Variants in PKMYT1 observed in about 807,000 individuals in gnomAD.
PKMYT1 encodes protein kinase, membrane associated tyrosine/threonine 1, also known as membrane-associated tyrosine- and threonine-specific cdc2-inhibitory kinase.
Under a neutral mutation model 49.7 loss-of-function variants are expected in PKMYT1, and 35 were observed. The observed-to-expected ratio is 0.70, with a 90% CI of 0.54 to 0.93. The LOEUF is 0.93. Among genes scored for constraint, PKMYT1 ranks in the 40% least tolerant of loss-of-function variants. PKMYT1 has a pLI of 0.00. For missense variants in PKMYT1, 677 were observed against 673.1 expected (o/e 1.01, Z -0.06); for synonymous variants, 331 against 287.6 (o/e 1.15, Z -1.53).
At chr16:2,975,214 G>A (rs768592694) in intron 4 of PKMYT1, 105 bp downstream of exon 4, 25 of 1,318,956 alleles carry the variant, frequency 1.9e-5, no homozygotes, top group Admixed American at 1.9e-4. Flanking sequence ...CTCTGAGGCC[G>A]GGTGTCCTGG....
At chr16:2,975,861 G>A in intron 3 of PKMYT1, 49 bp from the exon 4 acceptor site, 1 of 1,546,098 alleles carries the variant, frequency 6.5e-7, no homozygotes, top group South Asian at 1.2e-5. Flanking sequence ...AGCCACAAGT[G>A]GCACAATCAC....
In PKMYT1 at chr16:2,979,918, G is replaced by A; in HGVS notation, c.-255-6C>T. Reference sequence around the variant, plus strand: ...TCCGTGGGTGTGGGGAAGCCCTGGCGAACAGAGCAGTGGACGGGCTGTCAC... The same window carrying A: ...TCCGTGGGTGTGGGGAAGCCCTGGCAAACAGAGCAGTGGACGGGCTGTCAC... On this transcript the variant is annotated splice_region_variant and splice_polypyrimidine_tract_variant and intron_variant, in intron 1 of 8. Coordinates refer to ENST00000262300, the MANE Select transcript of PKMYT1 (RefSeq NM_004203.5). 1.8e-6 allele frequency: 1 copy of A among 560,420 alleles called. No homozygotes were observed. Among genetic ancestry groups the A allele is most frequent in the South Asian group, 2.1e-5 (1 of 47,582 alleles). 34.7% of individuals were successfully genotyped at this position (560,420 alleles called of 1,614,324 possible). A position where few individuals can be genotyped will look rare whatever the true frequency, so the allele number is the denominator to read the frequency against.
At position 2,979,700 on chromosome 16, in the gene PKMYT1, C is replaced by T. The variant is rs770013129; in HGVS notation, c.-43G>A. 6.2e-7 allele frequency: 1 copy of T among 1,613,488 alleles called. No homozygotes were observed. Among genetic ancestry groups the T allele is most frequent in the Non-Finnish European group, 8.5e-7 (1 of 1,179,740 alleles). ...AGCCTCAGTGGTGGGACGGGGGAGG[C>T]AGGAGCAGGGGCTCCCACGTGAATC... On this transcript the variant is annotated 5_prime_UTR_variant, in exon 2 of 9. Transcript: ENST00000262300.
At chr16:2,977,095 T>C in intron 2 of PKMYT1, 64 bp from the exon 3 acceptor site, 1 of 1,581,640 alleles carries the variant, frequency 6.3e-7, no homozygotes. Flanking sequence ...CCTGGCCCTG[T>C]GGCTCCAAAG....
chr16:2,973,532 G>A, intron 7 of PKMYT1: 1 of 1,162,710 alleles, frequency 8.6e-7, no homozygotes. Flanking sequence ...GAGGGATGAG[G>A]TGATGTGTTT....
chr16:2,973,358 A>G (rs1377488657), intron 7 of PKMYT1, 143 bp from the exon 8 acceptor site: 9 of 1,542,688 alleles, frequency 5.8e-6, no homozygotes, highest in Non-Finnish European at 7.9e-6. Flanking sequence ...AACTTGGTGC[A>G]CTCTGAAAGC....
chr16:2,977,093 T>A (rs767048785), intron 2 of PKMYT1, 62 bp from the exon 3 acceptor site: 1 of 1,581,710 alleles, frequency 6.3e-7, no homozygotes. Flanking sequence ...CACCTGGCCC[T>A]GTGGCTCCAA....
Position 2,975,803 on chromosome 16 carries a change from T to C in PKMYT1, c.388A>G (p.Lys130Glu). 2 of 1,590,310 alleles carry C rather than the reference T, an allele frequency of 1.3e-6. No homozygotes were observed. The highest frequency in any genetic ancestry group is 1.7e-6 in the Non-Finnish European group (2 of 1,173,692). Reference sequence around the variant, plus strand: ...ACCGCATAGAGCCGGCCGTCCTCCTTGGAGCGCACCTGGAAGGGAGGTGGT... The same window carrying C: ...ACCGCATAGAGCCGGCCGTCCTCCTCGGAGCGCACCTGGAAGGGAGGTGGT... ...SYGEVFKVRS[K>E]EDGRLYAVKR... is the part of the protein sequence containing the mutation. Residue 130 changes from lysine to glutamate, a missense_variant, in exon 4 of 9, where the codon AAG becomes GAG. Coordinates refer to ENST00000262300, the MANE Select transcript of PKMYT1 (RefSeq NM_004203.5).
intron 3 of PKMYT1, 64 bp from the exon 4 acceptor site, chr16:2,975,876 G>A (rs1332934014): frequency 6.5e-7 from 1 of 1,527,604 alleles, no homozygotes; most frequent in Admixed American, 1.8e-5. Flanking sequence ...AATCACATAG[G>A]GGGACAACCT....
intron 2 of PKMYT1, among the ~76,000 whole-genome samples, chr16:2,977,762 G>A (rs1220485850): frequency 1.3e-5 from 2 of 152,182 alleles, no homozygotes; most frequent in Non-Finnish European, 2.9e-5. Context: ...CTGGGGGCAG[G>A]TGTGGCCAAG....
chr16:2,978,993 G>C (rs549086308), intron 2 of PKMYT1, among the ~76,000 whole-genome samples: 18 of 150,652 alleles, frequency 1.2e-4, no homozygotes, highest in African/African-American at 4.4e-4. Flanking sequence ...TTTTAGTAGA[G>C]ATGTGGTTTC....
chr16:2,974,772 G>T, intron 4 of PKMYT1, 116 bp from the exon 5 acceptor site: 1 of 673,630 alleles, frequency 1.5e-6, no homozygotes, highest in Non-Finnish European at 2.6e-6. Flanking sequence ...ATCAGTCAGG[G>T]AGGGGCGGAA....
intron 4 of PKMYT1, 71 bp from the exon 5 acceptor site, chr16:2,974,727 C>A: frequency 9.8e-7 from 1 of 1,018,794 alleles, no homozygotes. Flanking sequence ...CCAGGGCTGC[C>A]TCTTGGAGGT....
intron 2 of PKMYT1, 181 bp from the exon 3 acceptor site, chr16:2,977,212 A>C: frequency 1.4e-6 from 2 of 1,417,824 alleles, no homozygotes; most frequent in Non-Finnish European, 1.8e-6. Context: ...ATTCATACTC[A>C]CCTGCCCACC....
chr16:2,973,746 T>C (rs1297260155), intron 7 of PKMYT1: 3 of 577,414 alleles, frequency 5.2e-6, no homozygotes, highest in African/African-American at 3.8e-5. Flanking sequence ...TCCACTGGGG[T>C]CGGGGCTGCG....
Position 2,974,891 on chromosome 16 carries a change from G to C in PKMYT1, c.873-235C>G. 5.2e-6 allele frequency: 3 copies of C among 579,524 alleles called. No homozygotes were observed. The South Asian group carries it at 6.2e-5, about 12-fold the overall frequency. The allele number at this position is 579,524 out of a possible 1,614,324, so 35.9% of individuals were successfully genotyped here. A position where few individuals can be genotyped will look rare whatever the true frequency, so the allele number is the denominator to read the frequency against. ...GGGAGCCCACAAGCCACAGTGGTGAGTCCTCCCAGTGCCCTGATGGACAGG... is the reference window on the plus strand; with the variant it reads ...GGGAGCCCACAAGCCACAGTGGTGACTCCTCCCAGTGCCCTGATGGACAGG... On this transcript the variant is annotated intron_variant, in intron 4 of 8. Coordinates refer to ENST00000262300, the MANE Select transcript of PKMYT1 (RefSeq NM_004203.5).
Position 2,976,675 on chromosome 16 carries a change from C to G in PKMYT1, c.367G>C (p.Glu123Gln), listed in dbSNP as rs760584675. 1.1e-5 allele frequency: 16 copies of G among 1,476,536 alleles called. No homozygotes were observed. The highest frequency in any genetic ancestry group is 7.2e-5 in the Admixed American group (3 of 41,940). The allele number at this position is 1,476,536 out of a possible 1,614,324, so 91.5% of individuals were successfully genotyped here. A position where few individuals can be genotyped will look rare whatever the true frequency, so the allele number is the denominator to read the frequency against. The change falls in exon 3 of 9, where the codon GAG becomes CAG. Residue 123 changes from glutamate (E) to glutamine (Q), a missense_variant. Glu to Gln is a conservative substitution (Grantham distance 29, BLOSUM62 2). Coordinates refer to ENST00000262300, the MANE Select transcript of PKMYT1 (RefSeq NM_004203.5). ...LSRLGHGSYG[E>Q]VFKVRSKEDG... is the part of the protein sequence containing the mutation. ...GTCCCCTCACTCACCTTGAAGACCT[C>G]TCCGTAGGAGCCATGGCCCAGGCGG...
intron 3 of PKMYT1, 124 bp from the exon 4 acceptor site, chr16:2,975,936 ATC>A (rs1328369258): frequency 1.9e-6 from 2 of 1,043,620 alleles, no homozygotes; most frequent in East Asian, 2.5e-5. Context: ...TGTAGCTGGC[ATC>A]TGTCTCAGAC....
In PKMYT1 at chr16:2,974,131, G is replaced by T. The variant is rs770406817; in HGVS notation, c.1179C>A (p.Leu393=). The change falls in exon 7 of 9, where the codon CTC becomes CTA. Residue 393 remains leucine (L), a synonymous_variant. Transcript: ENST00000262300. ...WQALLALLCW[L]WHGLAHPASW... Reference sequence around the variant, plus strand: ...TGGCAGGGTGAGCCAGCCCATGCCAGAGCCAGCAGAGCAGGGCAAGCAGGG... The same window carrying T: ...TGGCAGGGTGAGCCAGCCCATGCCATAGCCAGCAGAGCAGGGCAAGCAGGG... 2.2e-5 allele frequency: 36 copies of T among 1,604,060 alleles called. No homozygotes were observed. The highest frequency in any genetic ancestry group is 1.0e-4 in the Admixed American group (6 of 58,976).
Sources: gnomAD v4.1 joint callset for allele counts (sites outside exome capture counted in the v4.1 genomes callset) on GRCh38, gnomAD v4.1.1 for gene constraint, MANE v1.5 for transcripts, NCBI Gene and HGNC (gene_info 2026-07-23, HGNC 2026-07-21) for gene names.